The following MCTP1 variants were observed in gnomAD, a reference collection of about 807,000 sequenced individuals.
The protein encoded by MCTP1 is multiple C2 and transmembrane domain-containing protein 1.
Under a neutral mutation model 120.6 loss-of-function variants are expected in MCTP1, and 69 were observed. The ratio of observed to expected loss-of-function variants is 0.57; its 90% confidence interval spans 0.47 to 0.70. The LOEUF (loss-of-function observed/expected upper bound fraction) is 0.70, where lower values mean the gene tolerates loss of function less well. MCTP1 is among the 30% of genes least tolerant of loss of function. MCTP1 has a pLI of 0.00. For missense variants in MCTP1, 1,203 were observed against 1,248.8 expected (o/e 0.96, Z 0.55); for synonymous variants, 529 against 493.1 (o/e 1.07, Z -0.96).
rs1751935225 is a variant in MCTP1, at chr5:95,208,491, T to A, written c.720+75365A>T. The stretch of plus-strand genomic sequence containing the variant: ...GAAGTATTTTATAGTTTATGAAATA[T>A]TTTCCCATGTTTTAGCTCATTCCTG... On this transcript the variant is annotated intron_variant, in intron 1 of 22. Transcript: ENST00000515393. Among the ~76,000 whole-genome samples the A allele has an allele frequency of 1.3e-5, 2 of 152,126 alleles. 1 individual carries two copies. The highest frequency in any genetic ancestry group is 4.1e-4 in the South Asian group (2 of 4,826).
At chr5:94,942,662 A>T (rs920389139) in intron 3 of MCTP1, among the ~76,000 whole-genome samples, 1 of 152,108 alleles carries the variant, frequency 6.6e-6, no homozygotes, top group African/African-American at 2.4e-5. Flanking sequence ...ACAGAACTTT[A>T]AGATAGATGT....
chr5:95,168,204 G>A (rs1739482783), intron 1 of MCTP1, among the ~76,000 whole-genome samples: 1 of 152,154 alleles, frequency 6.6e-6, no homozygotes. Context: ...TCAGATAGTT[G>A]TAGACGTGTG....
intron 1 of MCTP1, among the ~76,000 whole-genome samples, chr5:95,264,431 C>A (rs1208243394): frequency 6.6e-6 from 1 of 152,206 alleles, no homozygotes; most frequent in Non-Finnish European, 1.5e-5. Flanking sequence ...GAAAAACAGT[C>A]TCCCTCTCCA....
At chr5:94,724,086 T>C (rs1761566477) in intron 19 of MCTP1, among the ~76,000 whole-genome samples, 2 of 152,180 alleles carry the variant, frequency 1.3e-5, no homozygotes, top group Admixed American at 1.3e-4. Context: ...AAACAAAACT[T>C]GCTAACCATA....
intron 10 of MCTP1, among the ~76,000 whole-genome samples, chr5:94,895,067 C>A (rs1363019760): frequency 6.6e-6 from 1 of 152,022 alleles, no homozygotes; most frequent in Non-Finnish European, 1.5e-5. Flanking sequence ...ATCTGAAATT[C>A]TATTATTACC....
intron 18 of MCTP1, among the ~76,000 whole-genome samples, chr5:94,789,874 T>C (rs975162370): frequency 8.5e-5 from 13 of 152,314 alleles, no homozygotes; most frequent in South Asian, 2.1e-4. Context: ...AAAGTAATTT[T>C]GCATAAAAAT....
chr5:95,136,954 A>G (rs778594359), intron 1 of MCTP1, among the ~76,000 whole-genome samples: 8 of 152,250 alleles, frequency 5.3e-5, no homozygotes, highest in Non-Finnish European at 1.0e-4. Flanking sequence ...TATATTTTGT[A>G]AAGGTTATTT....
chr5:95,136,033 T>C (rs572372667), intron 1 of MCTP1, among the ~76,000 whole-genome samples: 5 of 152,326 alleles, frequency 3.3e-5, no homozygotes, highest in South Asian at 2.1e-4. Context: ...TTAAAATCTG[T>C]CCCTAAACTA....
chr5:94,936,107 A>G (rs931809927), intron 5 of MCTP1, among the ~76,000 whole-genome samples: 2 of 151,990 alleles, frequency 1.3e-5, no homozygotes, highest in Non-Finnish European at 2.9e-5. Flanking sequence ...GGGAAGAGCA[A>G]TAAGGCTTGA....
At chr5:94,889,100 AC>A in intron 11 of MCTP1, 128 bp from the exon 12 acceptor site, 1 of 573,542 alleles carries the variant, frequency 1.7e-6, no homozygotes, top group African/African-American at 1.9e-5. Context: ...CATTAAACTA[AC>A]TAATTTTTTT....
rs73776924 is a variant in MCTP1 at position 94,900,047 on chromosome 5, T to C, written c.1653-5212A>G. Among the ~76,000 whole-genome samples the C allele has an allele frequency of 1.6e-3, 251 of 152,342 alleles. 1 individual carries two copies. The highest frequency in any genetic ancestry group is 5.9e-3 in the African/African-American group (245 of 41,586). On this transcript the variant is annotated intron_variant, in intron 10 of 22. Transcript: ENST00000515393. ...CCCTGGCTTTGCACTATTTACGAGA[T>C]ATCCTTAGCTAGTCAACAGTACCCT...
At chr5:95,170,473 TTC>T (rs1747101203) in intron 1 of MCTP1, among the ~76,000 whole-genome samples, 1 of 152,194 alleles carries the variant, frequency 6.6e-6, no homozygotes, top group Admixed American at 6.5e-5. Flanking sequence ...CCTTTTAACT[TTC>T]TGTCTCGTTG....
intron 1 of MCTP1, among the ~76,000 whole-genome samples, chr5:95,278,447 T>C (rs889870181): frequency 6.6e-6 from 1 of 152,182 alleles, no homozygotes; most frequent in African/African-American, 2.4e-5. Context: ...TCTAGTTTTA[T>C]AAAAACATGC....
At chr5:94,865,565 T>G (rs1166902092) in intron 17 of MCTP1, among the ~76,000 whole-genome samples, 2 of 151,836 alleles carry the variant, frequency 1.3e-5, no homozygotes, top group African/African-American at 4.8e-5. Flanking sequence ...GCTCACACCC[T>G]TCTCCTAATG....
chr5:95,168,987 G>A (rs921584697), intron 1 of MCTP1, among the ~76,000 whole-genome samples: 9 of 152,038 alleles, frequency 5.9e-5, no homozygotes, highest in Non-Finnish European at 1.0e-4. Flanking sequence ...GTTTTCAAAG[G>A]GAATGCTTCC....
At chr5:95,140,693 T>TAAAA (rs35248317) in intron 1 of MCTP1, among the ~76,000 whole-genome samples, 11 of 27,632 alleles carry the variant, frequency 4.0e-4, no homozygotes, top group East Asian at 4.2e-3. Context: ...CTGTCCCTAC[T>TAAAA]AAAAAAAAAA....
chr5:94,886,816 T>G (rs982278121), intron 12 of MCTP1, among the ~76,000 whole-genome samples: 7 of 152,202 alleles, frequency 4.6e-5, no homozygotes, highest in African/African-American at 1.7e-4. Context: ...GACAAAGAAC[T>G]TACTTGTGTC....
At chr5:95,195,940 C>T (rs547026884) in intron 1 of MCTP1, among the ~76,000 whole-genome samples, 1 of 152,194 alleles carries the variant, frequency 6.6e-6, no homozygotes, top group East Asian at 1.9e-4. Context: ...GGTGATAAAG[C>T]TAGCTATTAG....
chr5:94,943,875 A>G (rs1818320173), intron 3 of MCTP1, among the ~76,000 whole-genome samples: 1 of 151,930 alleles, frequency 6.6e-6, no homozygotes, highest in Non-Finnish European at 1.5e-5. Flanking sequence ...GGAGTAATTG[A>G]GCATAACCAG....
Sources: allele counts gnomAD v4.1 joint callset (sites outside exome capture counted in the v4.1 genomes callset), GRCh38; gene constraint gnomAD v4.1.1; transcripts MANE v1.5; gene names NCBI Gene and HGNC (gene_info 2026-07-23, HGNC 2026-07-21).